SNX2: variants seen among roughly 807,000 people sequenced by gnomAD.
SNX2 encodes the protein sorting nexin 2, also known as sorting nexin-2.
SNX2 carries 25 observed loss-of-function variants against 69.9 expected under a neutral mutation model. The observed-to-expected ratio is 0.36, with a 90% CI of 0.26 to 0.50. SNX2 has a LOEUF of 0.50. SNX2 is among the 20% of genes least tolerant of loss of function. SNX2 has a pLI of 0.97. For synonymous variants in SNX2, 229 were observed against 200.4 expected, an observed-to-expected ratio of 1.14 and a Z score of -1.20; for missense variants, 551 against 613.3, an observed-to-expected ratio of 0.90 and a Z score of 1.07.
At chr5:122,806,356 T>A (rs896700427) in intron 6 of SNX2, among the ~76,000 whole-genome samples, 4 of 152,074 alleles carry the variant, frequency 2.6e-5, no homozygotes, top group African/African-American at 9.7e-5. Context: ...GAACTTCTAA[T>A]TACATAGCTG....
intron 3 of SNX2, among the ~76,000 whole-genome samples, 182 bp from the exon 4 acceptor site, chr5:122,801,686 TG>T (rs1753517742): frequency 6.6e-6 from 1 of 151,228 alleles, no homozygotes; most frequent in Non-Finnish European, 1.5e-5. Flanking sequence ...TGTGTGTGTG[TG>T]TGTTTTATTT....
chr5:122,775,779 C>G (rs553648584), intron 1 of SNX2: 11 of 984,476 alleles, frequency 1.1e-5, no homozygotes, highest in Non-Finnish European at 1.2e-5. Flanking sequence ...GCATTTGCCT[C>G]TTTTTGTTTG....
At chr5:122,808,443 T>C (rs1753700447) in intron 7 of SNX2, 88 bp downstream of exon 7, 5 of 982,572 alleles carry the variant, frequency 5.1e-6, no homozygotes, top group African/African-American at 1.7e-5. Flanking sequence ...TGTGTTTTAA[T>C]GATTAAATTT....
chr5:122,816,829 G>A lies in SNX2; in HGVS notation c.799-86G>A, dbSNP rs1753910436. On this transcript the variant is annotated intron_variant, in intron 8 of 14. Coordinates refer to ENST00000379516, the MANE Select transcript of SNX2 (RefSeq NM_003100.4). The stretch of plus-strand genomic sequence containing the variant: ...TAAAATTTGTATGTGGGGGGGAGGG[G>A]GGAGGAGGGGGGATCACTTTTGTGC... 6.8e-6 allele frequency: 4 copies of A among 591,990 alleles called. No individual in the cohort carries two copies. The Admixed American group carries it at 9.8e-5, about 15-fold the overall frequency. 36.7% of individuals were successfully genotyped at this position (591,990 alleles called of 1,614,324 possible).
At chr5:122,823,496 A>G (rs1372553065) in intron 11 of SNX2, among the ~76,000 whole-genome samples, 2 of 152,222 alleles carry the variant, frequency 1.3e-5, no homozygotes, top group African/African-American at 4.8e-5. Flanking sequence ...GATTTAGCAT[A>G]TCAATGGAAA....
At chr5:122,808,607 C>T (rs899212148) in intron 7 of SNX2, 4 of 292,246 alleles carry the variant, frequency 1.4e-5, no homozygotes, top group African/African-American at 8.7e-5. Context: ...CTATTATATG[C>T]TACAAGCAGG....
intron 7 of SNX2, among the ~76,000 whole-genome samples, chr5:122,815,304 T>TA (rs1753876652): frequency 6.6e-6 from 1 of 152,136 alleles, no homozygotes; most frequent in Admixed American, 6.5e-5. Context: ...AGCAAAACCT[T>TA]AAAAATAGAA....
intron 11 of SNX2, among the ~76,000 whole-genome samples, chr5:122,820,069 T>G (rs1376082567): frequency 6.6e-6 from 1 of 152,222 alleles, no homozygotes; most frequent in Non-Finnish European, 1.5e-5. Flanking sequence ...TCAGAGTATA[T>G]ATACTTCATT....
intron 3 of SNX2, among the ~76,000 whole-genome samples, chr5:122,801,399 G>GT: frequency 6.6e-6 from 1 of 152,256 alleles, no homozygotes; most frequent in Middle Eastern, 3.4e-3. Context: ...GAGGTCAGGA[G>GT]TTCAAAACCA....
Position 122,790,222 on chromosome 5 carries a change from T to G in SNX2, c.109-5044T>G, listed in dbSNP as rs566044237. Among the ~76,000 whole-genome samples the G allele has an allele frequency of 5.9e-5, 9 of 152,210 alleles. No individual in the cohort carries two copies. In the East Asian group the frequency reaches 1.7e-3, roughly 30 times the overall value. ...CAACCTCCGCCTCCTGGGTTCAAGC[T>G]ATCCTCCTGCTTCAGCCTCCCAAGT... is the stretch of plus-strand genomic sequence containing the variant. On this transcript the variant is annotated intron_variant, in intron 1 of 14. Transcript: ENST00000379516.
upstream of SNX2, chr5:122,775,055 G>A: frequency 6.5e-7 from 1 of 1,534,810 alleles, no homozygotes; most frequent in African/African-American, 1.4e-5. Flanking sequence ...GCGTGCTCAC[G>A]TGACGGGTCC....
At position 122,775,112 on chromosome 5, in the gene SNX2, C is replaced by G. The variant is rs1183541939; in HGVS notation, c.9C>G (p.Ala3=). 1 of 1,588,446 alleles carries G rather than the reference C, an allele frequency of 6.3e-7. No individual in the cohort carries two copies. Among genetic ancestry groups the G allele is most frequent in the Non-Finnish European group, 8.6e-7 (1 of 1,169,272 alleles). The change falls in exon 1 of 15, where the codon GCC becomes GCG. Residue 3 remains alanine, a synonymous_variant. Transcript: ENST00000379516. MA[A]EREPPPLGDG... ...CGTTCGGGTGAGCGAAGATGGCGGC[C>G]GAGAGGGAACCTCCTCCGCTGGGGG...
At chr5:122,775,467 C>G (rs1218557092) in intron 1 of SNX2, 1 of 1,168,250 alleles carries the variant, frequency 8.6e-7, no homozygotes, top group African/African-American at 1.6e-5. Context: ...CCGAGCATTG[C>G]AGCGGCGCTT....
chr5:122,824,250 T>G (rs1754101278), intron 11 of SNX2, among the ~76,000 whole-genome samples: 1 of 152,028 alleles, frequency 6.6e-6, no homozygotes, highest in Non-Finnish European at 1.5e-5. Flanking sequence ...ATGACATTTT[T>G]TTTTTAAAGC....
At chr5:122,789,402 G>T (rs1753167034) in intron 1 of SNX2, among the ~76,000 whole-genome samples, 1 of 150,534 alleles carries the variant, frequency 6.6e-6, no homozygotes, top group African/African-American at 2.5e-5. Flanking sequence ...ACATTCTTCA[G>T]TTTACAAGAC....
In SNX2 at chr5:122,832,164, A is replaced by C. The variant is rs1343839170; in HGVS notation, c.*2516A>C. ...ATCAAAAGTTAAAGACCAAGGCAGC[A>C]AAATATTGTGAAACAAGCTGAACTT... On this transcript the variant is annotated 3_prime_UTR_variant, in exon 15 of 15. Transcript: ENST00000379516. Among the ~76,000 whole-genome samples the C allele has an allele frequency of 6.6e-6, 1 of 152,224 alleles. No individual in the cohort carries two copies. Among genetic ancestry groups the C allele is most frequent in the African/African-American group, 2.4e-5 (1 of 41,468 alleles).
At chr5:122,793,657 C>T (rs1319141009) in intron 1 of SNX2, among the ~76,000 whole-genome samples, 3 of 152,164 alleles carry the variant, frequency 2.0e-5, no homozygotes, top group Admixed American at 1.3e-4. Context: ...CGCCTATAAT[C>T]CCAGCACTTT....
At chr5:122,803,677 G>A in intron 6 of SNX2, 64 bp downstream of exon 6, 1 of 1,272,284 alleles carries the variant, frequency 7.9e-7, no homozygotes, top group Non-Finnish European at 1.1e-6. Context: ...TAACTGTATA[G>A]ATTTGTGGAT....
At chr5:122,805,653 A>G (rs1260455147) in intron 6 of SNX2, among the ~76,000 whole-genome samples, 1 of 151,862 alleles carries the variant, frequency 6.6e-6, no homozygotes, top group Admixed American at 6.6e-5. Flanking sequence ...ATCTGTAGGG[A>G]TGGTTCTATA....
Sources: allele counts gnomAD v4.1 joint callset (sites outside exome capture counted in the v4.1 genomes callset), GRCh38; gene constraint gnomAD v4.1.1; transcripts MANE v1.5; gene names NCBI Gene and HGNC (gene_info 2026-07-23, HGNC 2026-07-21).